The following VPS13D variants were observed in gnomAD, a reference collection of about 807,000 sequenced individuals.
The protein encoded by VPS13D is vacuolar protein sorting 13 homolog D.
Under a neutral mutation model 461.9 loss-of-function variants are expected in VPS13D, and 187 were observed. The observed-to-expected ratio is 0.40, with a 90% CI of 0.36 to 0.46. VPS13D has a LOEUF of 0.46. Among genes scored for constraint, VPS13D ranks in the 20% least tolerant of loss-of-function variants. VPS13D has a pLI of 0.60. For synonymous variants in VPS13D, 1,951 were observed against 1,986.3 expected (o/e 0.98, Z 0.47); for missense variants, 4,711 against 5,364.9 (o/e 0.88, Z 3.81).
chr1:12,315,918 G>C (rs1170642532), intron 30 of VPS13D, among the ~76,000 whole-genome samples: 2 of 152,080 alleles, frequency 1.3e-5, no homozygotes, highest in Non-Finnish European at 2.9e-5. Context: ...CCGGGTTCAA[G>C]TGATTCTCCT....
chr1:12,459,280 A>G (rs1354424037), intron 66 of VPS13D, among the ~76,000 whole-genome samples: 1 of 152,208 alleles, frequency 6.6e-6, no homozygotes, highest in African/African-American at 2.4e-5. Context: ...TATTAGCTAC[A>G]ATAAATAATC....
intron 35 of VPS13D, 74 bp from the exon 36 acceptor site, chr1:12,327,574 C>A (rs1643223938): frequency 1.5e-6 from 2 of 1,341,594 alleles, no homozygotes; most frequent in African/African-American, 3.1e-5. Context: ...AATTTTATTT[C>A]TCTGTTTCCT....
chr1:12,282,674 G>C (rs758621900), intron 20 of VPS13D, 31 bp from the exon 21 acceptor site: 17 of 1,563,586 alleles, frequency 1.1e-5, no homozygotes, highest in Non-Finnish European at 1.4e-5. Context: ...TTAATAATAA[G>C]AGTAACTGAA....
At chr1:12,438,831 C>T (rs993368268) in intron 65 of VPS13D, among the ~76,000 whole-genome samples, 6 of 152,216 alleles carry the variant, frequency 3.9e-5, no homozygotes, top group Non-Finnish European at 7.3e-5. Context: ...CCAGGCATAG[C>T]GCTAGCCACT....
In VPS13D at chr1:12,291,753, C is replaced by T. The variant is rs542915069; in HGVS notation, c.5852+629C>T. ...TGAGACAAGTCATGCAGTCTTCGTGCATCAGTTTTTCTATATATTAAGGGG... is the reference window on the plus strand; with the variant it reads ...TGAGACAAGTCATGCAGTCTTCGTGTATCAGTTTTTCTATATATTAAGGGG... On this transcript the variant is annotated intron_variant, in intron 23 of 69. Coordinates refer to ENST00000620676, the MANE Select transcript of VPS13D (RefSeq NM_015378.4). Among the ~76,000 whole-genome samples the T allele has an allele frequency of 2.0e-5, 3 of 152,280 alleles. No individual in the cohort carries two copies. The South Asian group carries it at 6.2e-4, about 32-fold the overall frequency.
chr1:12,376,542 C>A (rs1293396117), intron 55 of VPS13D, among the ~76,000 whole-genome samples: 1 of 152,292 alleles, frequency 6.6e-6, no homozygotes, highest in East Asian at 1.9e-4. Flanking sequence ...GGCAATTTTT[C>A]TCGTTGACAG....
intron 50 of VPS13D, among the ~76,000 whole-genome samples, chr1:12,361,375 A>G (rs140781754): frequency 7.3e-6 from 1 of 137,842 alleles, no homozygotes; most frequent in African/African-American, 2.9e-5. Context: ...TTTTATTTTT[A>G]TTTATTTATT....
In VPS13D at chr1:12,282,881, G is replaced by GT. The variant is rs1641829471; in HGVS notation, c.4781dup (p.Ser1595GlnfsTer7). On this transcript the variant is annotated frameshift_variant, in exon 21 of 70. Coordinates refer to ENST00000620676, the MANE Select transcript of VPS13D (RefSeq NM_015378.4). LOFTEE classifies it high-confidence loss of function. ...CTGTTGAAAGGAAGGAGAATGGATT[G>GT]TTCAGCCACTCCAGCCTTTCTAACA... 6.2e-7 allele frequency: 1 copy of GT among 1,614,026 alleles called. No individual in the cohort carries two copies. The highest frequency in any genetic ancestry group is 8.5e-7 in the Non-Finnish European group (1 of 1,180,032).
intron 65 of VPS13D, among the ~76,000 whole-genome samples, chr1:12,437,842 G>A (rs546509879): frequency 1.4e-4 from 21 of 152,242 alleles, no homozygotes; most frequent in South Asian, 8.3e-4. Flanking sequence ...TGTTTTCCCT[G>A]CGCTCAAAAA....
chr1:12,358,336 G>T, intron 49 of VPS13D, 123 bp from the exon 50 acceptor site: 1 of 1,307,674 alleles, frequency 7.6e-7, no homozygotes, highest in South Asian at 1.5e-5. Context: ...ATGAGAGTGA[G>T]GAAGAGAGTC....
chr1:12,290,869 T>C (rs1642112783), intron 22 of VPS13D, 129 bp from the exon 23 acceptor site: 1 of 809,236 alleles, frequency 1.2e-6, no homozygotes, highest in Non-Finnish European at 1.8e-6. Context: ...ATATGAAAAT[T>C]TGCTTTTGAG....
At chr1:12,243,761 A>C (rs1053197013) in intron 3 of VPS13D, among the ~76,000 whole-genome samples, 1 of 152,196 alleles carries the variant, frequency 6.6e-6, no homozygotes, top group Non-Finnish European at 1.5e-5. Context: ...AGAATTCTTT[A>C]TTGAGAGAAG....
intron 2 of VPS13D, among the ~76,000 whole-genome samples, chr1:12,241,675 G>A (rs1276140565): frequency 6.6e-6 from 1 of 152,156 alleles, no homozygotes; most frequent in Non-Finnish European, 1.5e-5. Context: ...TTTCAGCGGC[G>A]GTCCTGTTCC....
At chr1:12,456,652 A>G (rs929085234) in intron 66 of VPS13D, among the ~76,000 whole-genome samples, 7 of 151,594 alleles carry the variant, frequency 4.6e-5, no homozygotes, top group African/African-American at 1.5e-4. Context: ...AAAAAAAAAA[A>G]AAAAAAAAGA....
chr1:12,258,223 T>G lies in VPS13D; in HGVS notation c.1110+120T>G. On this transcript the variant is annotated intron_variant, in intron 10 of 69. Transcript: ENST00000620676. ...GTCCCATGCCAAAGGGGCTAAATTTTATAGGATAGAGTTGGTCTTAGTAGA... is the reference window on the plus strand; with the variant it reads ...GTCCCATGCCAAAGGGGCTAAATTTGATAGGATAGAGTTGGTCTTAGTAGA... The G allele has an allele frequency of 3.2e-6, 4 of 1,260,846 alleles. No homozygotes were observed. In the South Asian group the frequency reaches 5.9e-5, roughly 19 times the overall value. The allele number at this position is 1,260,846 out of a possible 1,614,324, so 78.1% of individuals were successfully genotyped here.
rs780440511 is a variant in VPS13D at position 12,244,406 on chromosome 1, A to T, written c.336A>T (p.Ala112=). 1 of 1,614,202 alleles carries T rather than the reference A, an allele frequency of 6.2e-7. No homozygotes were observed. Among genetic ancestry groups the T allele is most frequent in the Non-Finnish European group, 8.5e-7 (1 of 1,180,036 alleles). ...EKLLERERKK[A]LLQALEEKWK... ...TGTTGGAAAGGGAACGTAAGAAAGC[A>T]CTACTTCAAGCCCTGGAGGAGAAAT... is the stretch of plus-strand genomic sequence containing the variant. Residue 112 remains alanine (A), a synonymous_variant, in exon 4 of 70, where the codon GCA becomes GCT. Transcript: ENST00000620676.
intron 25 of VPS13D, among the ~76,000 whole-genome samples, chr1:12,301,204 A>G (rs574678908): frequency 2.0e-5 from 3 of 152,186 alleles, no homozygotes; most frequent in East Asian, 3.9e-4. Context: ...CATACTAACC[A>G]TTTTCCGACT....
Position 12,261,078 on chromosome 1 carries a change from C to G in VPS13D, c.1343C>G (p.Thr448Ser), listed in dbSNP as rs756456366. 6.2e-7 allele frequency: 1 copy of G among 1,614,058 alleles called. No individual in the cohort carries two copies. Among genetic ancestry groups the G allele is most frequent in the Admixed American group, 1.7e-5 (1 of 60,008 alleles). Residue 448 changes from threonine (T) to serine (S), a missense_variant, in exon 12 of 70, where the codon ACC becomes AGC. Transcript: ENST00000620676. ...PGWGGWYGQQ[T>S]PEGNVVEGLS... ...TGGGGTGGCTGGTACGGGCAGCAGA[C>G]CCCAGAAGGGAATGTGGTTGAGGGA...
intron 2 of VPS13D, among the ~76,000 whole-genome samples, chr1:12,238,663 ACT>A (rs1235618197): frequency 7.0e-6 from 1 of 142,366 alleles, no homozygotes; most frequent in Non-Finnish European, 1.5e-5. Context: ...AGGAAGTCTC[ACT>A]CTGTCACCCA....
Sources: allele counts gnomAD v4.1 joint callset (sites outside exome capture counted in the v4.1 genomes callset), GRCh38; gene constraint gnomAD v4.1.1; transcripts MANE v1.5; gene names NCBI Gene and HGNC (gene_info 2026-07-23, HGNC 2026-07-21).